Variants in LRMDA observed in about 807,000 individuals in gnomAD.
LRMDA encodes leucine rich melanocyte differentiation associated.
A neutral mutation model predicts 29.8 loss-of-function variants in LRMDA; 18 were observed. The ratio of observed to expected loss-of-function variants is 0.60; its 90% CI spans 0.42 to 0.90. The LOEUF is 0.90. LRMDA is among the 40% of genes least tolerant of loss of function. The probability of loss-of-function intolerance (pLI) is 0.00; values close to 1 mark genes in which losing one functional copy is unlikely to be tolerated. For missense variants in LRMDA, 273 were observed against 273.9 expected, an observed-to-expected ratio of 1.00 and a Z score of 0.02; for synonymous variants, 125 against 109.4, an observed-to-expected ratio of 1.14 and a Z score of -0.89.
At chr10:76,344,823 T>C (rs1173266772) in intron 6 of LRMDA, among the ~76,000 whole-genome samples, 3 of 150,960 alleles carry the variant, frequency 2.0e-5, no homozygotes, top group Non-Finnish European at 2.9e-5. Context: ...GGACATATAA[T>C]AGGTATTTGG....
intron 5 of LRMDA, among the ~76,000 whole-genome samples, chr10:76,314,002 GA>G (rs1280822977): frequency 6.6e-6 from 1 of 151,980 alleles, no homozygotes; most frequent in Admixed American, 6.6e-5. Context: ...TTGAATATTG[GA>G]AGAATATTTT....
In LRMDA at chr10:75,859,640, C is replaced by CACAT. The variant is rs1844888163; in HGVS notation, c.132-176365_132-176364insTACA. The stretch of plus-strand genomic sequence containing the variant: ...ACACACACACACACACACACACACA[C>CACAT]ACACACATACATCTGGCCTCGATGC... On this transcript the variant is annotated intron_variant, in intron 2 of 6. Transcript: ENST00000611255. Among the ~76,000 whole-genome samples, 5 of 145,318 alleles carry CACAT rather than the reference C, an allele frequency of 3.4e-5. No individual in the cohort carries two copies. The South Asian group carries it at 8.5e-4, about 25-fold the overall frequency.
At chr10:76,129,770 A>C (rs1026703345) in intron 5 of LRMDA, among the ~76,000 whole-genome samples, 2 of 151,962 alleles carry the variant, frequency 1.3e-5, no homozygotes, top group African/African-American at 2.4e-5. Context: ...CTACACACAC[A>C]CCCCTTCCAC....
chr10:75,503,126 C>T (rs1845133451), intron 2 of LRMDA, among the ~76,000 whole-genome samples: 1 of 151,792 alleles, frequency 6.6e-6, no homozygotes, highest in Admixed American at 6.6e-5. Flanking sequence ...GCAGGGACTG[C>T]ATTCTCTAGG....
At chr10:75,474,500 T>C (rs1844764830) in intron 2 of LRMDA, among the ~76,000 whole-genome samples, 1 of 152,136 alleles carries the variant, frequency 6.6e-6, no homozygotes, top group Admixed American at 6.5e-5. Context: ...GACCTCATCA[T>C]CTCCCAAAGG....
At position 75,823,750 on chromosome 10, in the gene LRMDA, A is replaced by G. The variant is rs1004015110; in HGVS notation, c.132-212258A>G. On this transcript the variant is annotated intron_variant, in intron 2 of 6. Transcript: ENST00000611255. ...TGTGTACACAGACACATATATACCT[A>G]CTTACATACACACACACACACATAC... Among the ~76,000 whole-genome samples, 15 of 150,752 alleles carry G rather than the reference A, an allele frequency of 1.0e-4. No individual in the cohort carries two copies. The South Asian group carries it at 3.2e-3, about 32-fold the overall frequency.
intron 5 of LRMDA, among the ~76,000 whole-genome samples, chr10:76,247,898 G>A (rs1852404593): frequency 6.6e-6 from 1 of 152,188 alleles, no homozygotes. Flanking sequence ...TCCCAGCAGA[G>A]ACTCCCTGGA....
chr10:76,123,779 G>T (rs1849830806), intron 5 of LRMDA, among the ~76,000 whole-genome samples: 6 of 152,222 alleles, frequency 3.9e-5, no homozygotes, highest in Admixed American at 3.9e-4. Flanking sequence ...CAGGATCCTG[G>T]CTGAGGCCAG....
intron 2 of LRMDA, among the ~76,000 whole-genome samples, chr10:75,732,931 C>G (rs556090367): frequency 6.6e-6 from 1 of 152,260 alleles, no homozygotes; most frequent in South Asian, 2.1e-4. Flanking sequence ...AGTCTCCTTG[C>G]TCAGGCCTGA....
At chr10:75,561,517 A>T (rs1211130629) in intron 2 of LRMDA, among the ~76,000 whole-genome samples, 2 of 151,712 alleles carry the variant, frequency 1.3e-5, no homozygotes, top group East Asian at 1.9e-4. Context: ...GGGTTTTTTG[A>T]GTCTCTATTT....
intron 6 of LRMDA, among the ~76,000 whole-genome samples, chr10:76,414,278 A>G (rs148862058): frequency 2.5e-4 from 38 of 152,344 alleles, no homozygotes; most frequent in Admixed American, 2.6e-4. Flanking sequence ...AATATTTATG[A>G]GAAAAATTAC....
chr10:75,931,635 T>C (rs1846206817), intron 2 of LRMDA, among the ~76,000 whole-genome samples: 1 of 152,204 alleles, frequency 6.6e-6, no homozygotes, highest in Non-Finnish European at 1.5e-5. Flanking sequence ...ATTTCCTTCC[T>C]CTAAGCTTCT....
chr10:75,794,357 A>G (rs980195432), intron 2 of LRMDA, among the ~76,000 whole-genome samples: 2 of 152,214 alleles, frequency 1.3e-5, no homozygotes, highest in African/African-American at 4.8e-5. Flanking sequence ...AATTTGGACT[A>G]TTTATAGCTT....
At chr10:76,456,316 T>C (rs578037616) in intron 6 of LRMDA, among the ~76,000 whole-genome samples, 2 of 152,296 alleles carry the variant, frequency 1.3e-5, no homozygotes, top group East Asian at 3.9e-4. Context: ...TCTGAAGTTT[T>C]ATCATGGAGG....
At chr10:75,567,476 T>A (rs2132067622) in intron 2 of LRMDA, among the ~76,000 whole-genome samples, 1 of 152,340 alleles carries the variant, frequency 6.6e-6, no homozygotes, top group Non-Finnish European at 1.5e-5. Context: ...TGGTTGCAAA[T>A]AGATCAGGCC....
intron 6 of LRMDA, among the ~76,000 whole-genome samples, chr10:76,339,153 C>G (rs961475592): frequency 6.6e-6 from 1 of 151,784 alleles, no homozygotes; most frequent in African/African-American, 2.4e-5. Flanking sequence ...CAAATTGGCT[C>G]ATATCCACAA....
At chr10:76,551,738 T>C (rs1223807256) in intron 6 of LRMDA, among the ~76,000 whole-genome samples, 1 of 152,166 alleles carries the variant, frequency 6.6e-6, no homozygotes, top group Non-Finnish European at 1.5e-5. Flanking sequence ...TTATAGGGGA[T>C]GACACATTTA....
chr10:75,579,768 T>G (rs1224589973), intron 2 of LRMDA, among the ~76,000 whole-genome samples: 1 of 152,234 alleles, frequency 6.6e-6, no homozygotes, highest in African/African-American at 2.4e-5. Context: ...TAGTTCAACA[T>G]ACGTGAATCA....
chr10:76,454,723 A>G (rs1238753171), intron 6 of LRMDA, among the ~76,000 whole-genome samples: 8 of 151,168 alleles, frequency 5.3e-5, no homozygotes, highest in Non-Finnish European at 1.2e-4. Flanking sequence ...GACAGAGTAG[A>G]CTTTTCTGGA....
Sources: gnomAD v4.1 joint callset for allele counts (sites outside exome capture counted in the v4.1 genomes callset) on GRCh38, gnomAD v4.1.1 for gene constraint, MANE v1.5 for transcripts, NCBI Gene and HGNC (gene_info 2026-07-23, HGNC 2026-07-21) for gene names.